The following LARP4B variants were observed in gnomAD, a reference collection of about 807,000 sequenced individuals.
LARP4B encodes the protein La ribonucleoprotein 4B, also known as la-related protein 4B.
A neutral mutation model predicts 89.8 loss-of-function variants in LARP4B; 12 were observed. The observed-to-expected ratio is 0.13, with a 90% confidence interval of 0.09 to 0.22. LARP4B has a LOEUF of 0.22. LARP4B is among the 10% of genes least tolerant of loss of function. The pLI is 1.00. For synonymous variants in LARP4B, 367 were observed against 363.3 expected, an observed-to-expected ratio of 1.01 and a Z score of -0.12; for missense variants, 757 against 947.7, an observed-to-expected ratio of 0.80 and a Z score of 2.64.
At chr10:861,610 T>C (rs1834620897) in intron 5 of LARP4B, among the ~76,000 whole-genome samples, 1 of 152,254 alleles carries the variant, frequency 6.6e-6, no homozygotes, top group Admixed American at 6.5e-5. Flanking sequence ...TAATGTTCCC[T>C]ATCTTCTATC....
intron 3 of LARP4B, 31 bp from the exon 4 acceptor site, chr10:864,301 T>C: frequency 2.5e-6 from 4 of 1,611,920 alleles, no homozygotes; most frequent in Non-Finnish European, 3.4e-6. Flanking sequence ...GACATTTGTA[T>C]CCAAATGTCA....
rs1831806082 is a variant in LARP4B, at chr10:812,757, T to A, written c.*169A>T. On this transcript the variant is annotated 3_prime_UTR_variant, in exon 18 of 18. Transcript: ENST00000316157. ...TTAATTAAATCCTGAAAAATCGATT[T>A]TTTTTCAAGAGGGGGAGAATCCAAC... The A allele has an allele frequency of 6.3e-6, 3 of 479,556 alleles. No individual in the cohort carries two copies. The East Asian group carries it at 1.0e-4, about 17-fold the overall frequency. 29.7% of individuals were successfully genotyped at this position (479,556 alleles called of 1,614,324 possible).
At chr10:912,030 GTGGGCTGAC>G (rs1434246560) in intron 1 of LARP4B, among the ~76,000 whole-genome samples, 2 of 152,242 alleles carry the variant, frequency 1.3e-5, no homozygotes, top group Non-Finnish European at 2.9e-5. Flanking sequence ...GCTGGTCACA[GTGGGCTGAC>G]TGGGCCACTC....
intron 1 of LARP4B, among the ~76,000 whole-genome samples, chr10:903,971 TA>T (rs550264665): frequency 5.3e-5 from 8 of 151,026 alleles, no homozygotes; most frequent in Non-Finnish European, 1.2e-4. Context: ...TTGATTTTGT[TA>T]AAAAAAAACC....
At chr10:920,671 T>C (rs1314504097) in intron 1 of LARP4B, among the ~76,000 whole-genome samples, 1 of 151,248 alleles carries the variant, frequency 6.6e-6, no homozygotes, top group African/African-American at 2.4e-5. Context: ...ACTCTGGAGG[T>C]TGAAGCACGA....
chr10:818,775 G>C (rs984989709), intron 14 of LARP4B: 1 of 152,232 alleles, frequency 6.6e-6, no homozygotes, highest in Non-Finnish European at 1.5e-5. Context: ...CTGAAACAAT[G>C]AGCTACTCTG....
At chr10:862,291 C>T (rs76543159) in intron 5 of LARP4B, among the ~76,000 whole-genome samples, 2,405 of 135,590 alleles carry the variant, frequency 0.018, 77 homozygotes, top group African/African-American at 0.062. Flanking sequence ...ACAACCGTCA[C>T]AGAACATCTA....
intron 9 of LARP4B, among the ~76,000 whole-genome samples, 196 bp from the exon 10 acceptor site, chr10:829,930 CA>C (rs1469511292): frequency 6.6e-6 from 1 of 152,104 alleles, no homozygotes; most frequent in Non-Finnish European, 1.5e-5. Context: ...ACGTGTACCC[CA>C]AATTCTCACA....
In LARP4B at chr10:897,226, C is replaced by T. The variant is rs113731429; in HGVS notation, c.-39-11466G>A. On this transcript the variant is annotated intron_variant, in intron 1 of 17. Coordinates refer to ENST00000316157, the MANE Select transcript of LARP4B (RefSeq NM_015155.3). ...ACGAGAGTCCAGAAAGAAACCGTTA[C>T]ATTTATAGACAACTGATTTTCCACA... Among the ~76,000 whole-genome samples, 135 of 152,262 alleles carry T rather than the reference C, an allele frequency of 8.9e-4. 1 individual carries two copies. Among genetic ancestry groups the T allele is most frequent in the African/African-American group, 2.9e-3 (122 of 41,550 alleles).
the LARP4B span, among the ~76,000 whole-genome samples, chr10:983,948 A>G: frequency 6.6e-6 from 1 of 152,258 alleles, no homozygotes; most frequent in Non-Finnish European, 1.5e-5. Context: ...AAATAATAGC[A>G]GGAAAGGCAC....
At chr10:935,286 C>CGCTG (rs1432767749), upstream of LARP4B, among the ~76,000 whole-genome samples, 1 of 152,186 alleles carries the variant, frequency 6.6e-6, no homozygotes, top group Non-Finnish European at 1.5e-5. Context: ...CAGCTCCAGA[C>CGCTG]GCTGCGCTGC....
intron 13 of LARP4B, among the ~76,000 whole-genome samples, chr10:824,467 T>C (rs745887551): frequency 1.3e-5 from 2 of 152,172 alleles, no homozygotes; most frequent in Non-Finnish European, 2.9e-5. Context: ...TACCCCAGCC[T>C]GGGCAACGGA....
intron 3 of LARP4B, among the ~76,000 whole-genome samples, chr10:881,363 C>A (rs899774852): frequency 6.6e-6 from 1 of 152,206 alleles, no homozygotes; most frequent in African/African-American, 2.4e-5. Flanking sequence ...TCACCCACTG[C>A]AATCTGGCTT....
chr10:982,855 T>C, the LARP4B span, among the ~76,000 whole-genome samples: 1 of 152,200 alleles, frequency 6.6e-6, no homozygotes, highest in Admixed American at 6.5e-5. Flanking sequence ...GGAAACAGGA[T>C]AGGAGTTATT....
intron 1 of LARP4B, among the ~76,000 whole-genome samples, chr10:924,116 A>G (rs917925345): frequency 1.3e-5 from 2 of 151,814 alleles, no homozygotes; most frequent in Non-Finnish European, 2.9e-5. Context: ...GGTGGCATGC[A>G]CCCATGGGTC....
intron 8 of LARP4B, among the ~76,000 whole-genome samples, chr10:834,245 G>C (rs1383393501): frequency 2.0e-5 from 3 of 152,158 alleles, no homozygotes; most frequent in African/African-American, 7.2e-5. Flanking sequence ...AATGCTTACT[G>C]GTTAAAAGAT....
chr10:905,926 G>A (rs530371455), intron 1 of LARP4B, among the ~76,000 whole-genome samples: 3 of 152,220 alleles, frequency 2.0e-5, no homozygotes, highest in South Asian at 2.1e-4. Flanking sequence ...CTTCCACTTC[G>A]TCACCTGCTT....
At chr10:889,484 C>T (rs1421916092) in intron 1 of LARP4B, among the ~76,000 whole-genome samples, 3 of 152,206 alleles carry the variant, frequency 2.0e-5, no homozygotes, top group East Asian at 1.9e-4. Flanking sequence ...TAAGAAAACA[C>T]GCAGACATGG....
At chr10:984,749 C>T in the LARP4B span, among the ~76,000 whole-genome samples, 1 of 152,284 alleles carries the variant, frequency 6.6e-6, no homozygotes, top group Admixed American at 6.5e-5. Context: ...ATGGCGAAAT[C>T]TCCCCTCTAC....
Sources: allele counts gnomAD v4.1 joint callset (sites outside exome capture counted in the v4.1 genomes callset), GRCh38; gene constraint gnomAD v4.1.1; transcripts MANE v1.5; gene names NCBI Gene and HGNC (gene_info 2026-07-23, HGNC 2026-07-21).